The following ATF7 variants were observed in gnomAD, a reference collection of about 807,000 sequenced individuals.
ATF7 encodes the protein activating transcription factor 7, also known as cyclic AMP-dependent transcription factor ATF-7.
Under a neutral mutation model 50.4 loss-of-function variants are expected in ATF7, and 10 were observed. That is an observed-to-expected ratio of 0.20 (90% CI 0.12 to 0.34). The LOEUF (loss-of-function observed/expected upper bound fraction) is 0.34, where lower values mean the gene tolerates loss of function less well. Among genes scored for constraint, ATF7 ranks in the 10% least tolerant of loss-of-function variants. The pLI is 1.00. For synonymous variants in ATF7, 201 were observed against 226.4 expected (o/e 0.89, Z 1.01); for missense variants, 465 against 613.9 (o/e 0.76, Z 2.56).
At chr12:53,599,794 T>A (rs1029335505) in intron 2 of ATF7, among the ~76,000 whole-genome samples, 2 of 152,194 alleles carry the variant, frequency 1.3e-5, no homozygotes, top group African/African-American at 4.8e-5. Flanking sequence ...GACAGTCACA[T>A]GACATATTCC....
intron 2 of ATF7, among the ~76,000 whole-genome samples, chr12:53,599,561 C>T (rs1270441888): frequency 6.6e-6 from 1 of 151,904 alleles, no homozygotes; most frequent in Non-Finnish European, 1.5e-5. Context: ...CCTAGGATGG[C>T]AAATACTGCA....
chr12:53,590,193 A>C (rs1942882137), intron 2 of ATF7, among the ~76,000 whole-genome samples: 1 of 152,078 alleles, frequency 6.6e-6, no homozygotes, highest in South Asian at 2.1e-4. Flanking sequence ...TGATCCCCTA[A>C]CCCCAAATAA....
chr12:53,571,348 A>G (rs568233095), intron 2 of ATF7, among the ~76,000 whole-genome samples: 1 of 152,174 alleles, frequency 6.6e-6, no homozygotes, highest in East Asian at 1.9e-4. Context: ...GTAATTTGTT[A>G]TAACGCCTAC....
chr12:53,511,746 G>A (rs529686871), downstream of ATF7, among the ~76,000 whole-genome samples: 60 of 152,264 alleles, frequency 3.9e-4, no homozygotes, highest in Admixed American at 6.5e-4. Context: ...TCTCCCACCC[G>A]CCATCCACAT....
intron 1 of ATF7, among the ~76,000 whole-genome samples, chr12:53,610,501 G>T (rs1486715549): frequency 1.3e-5 from 2 of 149,984 alleles, no homozygotes; most frequent in Non-Finnish European, 3.0e-5. Context: ...GAAGGCGGAG[G>T]TTGCAGTGAG....
At chr12:53,587,820 CATATATATATAT>C (rs1242121330) in intron 2 of ATF7, among the ~76,000 whole-genome samples, 2 of 67,032 alleles carry the variant, frequency 3.0e-5, no homozygotes, top group Non-Finnish European at 6.6e-5. Flanking sequence ...TATACTTCTA[CATATATATATAT>C]ATATATATAT....
intron 2 of ATF7, among the ~76,000 whole-genome samples, chr12:53,555,212 G>C (rs1387466420): frequency 1.3e-5 from 2 of 151,820 alleles, no homozygotes; most frequent in African/African-American, 4.8e-5. Context: ...CTAGCTACTC[G>C]GGGGGCTGGG....
chr12:53,621,680 T>C (rs1468975150), intron 1 of ATF7, among the ~76,000 whole-genome samples: 1 of 150,328 alleles, frequency 6.7e-6, no homozygotes, highest in African/African-American at 2.5e-5. Context: ...TCCCAACTAC[T>C]CTGGTGGCTG....
chr12:53,604,893 C>A (rs951002380), intron 1 of ATF7, among the ~76,000 whole-genome samples: 1 of 152,136 alleles, frequency 6.6e-6, no homozygotes, highest in East Asian at 1.9e-4. Context: ...AGACAATAGG[C>A]CTTTACACAA....
intron 2 of ATF7, among the ~76,000 whole-genome samples, chr12:53,596,889 C>A (rs1592956221): frequency 6.6e-6 from 1 of 152,174 alleles, no homozygotes; most frequent in Non-Finnish European, 1.5e-5. Context: ...ATAAACATTT[C>A]AAAAACCCAT....
intron 4 of ATF7, among the ~76,000 whole-genome samples, chr12:53,540,578 T>C (rs925216362): frequency 1.3e-5 from 2 of 151,268 alleles, no homozygotes; most frequent in East Asian, 2.0e-4. Context: ...ACAAAAAAAT[T>C]AGCCAGGCGT....
intron 9 of ATF7, among the ~76,000 whole-genome samples, chr12:53,528,398 C>A (rs1022183732): frequency 6.6e-6 from 1 of 151,964 alleles, no homozygotes; most frequent in Non-Finnish European, 1.5e-5. Flanking sequence ...GAGGCCAAGG[C>A]GGGTGGATTG....
intron 1 of ATF7, among the ~76,000 whole-genome samples, chr12:53,611,491 A>G (rs1943879169): frequency 6.6e-6 from 1 of 152,190 alleles, no homozygotes; most frequent in African/African-American, 2.4e-5. Flanking sequence ...TAATCCAGTA[A>G]TAGTATATAT....
At chr12:53,591,568 G>C (rs1485221360) in intron 2 of ATF7, among the ~76,000 whole-genome samples, 1 of 152,192 alleles carries the variant, frequency 6.6e-6, no homozygotes, top group Non-Finnish European at 1.5e-5. Flanking sequence ...GCCTCTCCCT[G>C]TGGCTAAGGA....
At chr12:53,597,114 G>A (rs540319080) in intron 2 of ATF7, among the ~76,000 whole-genome samples, 5 of 152,070 alleles carry the variant, frequency 3.3e-5, no homozygotes, top group Non-Finnish European at 7.4e-5. Context: ...AGGAGAATAG[G>A]AATAACAGGG....
intron 1 of ATF7, among the ~76,000 whole-genome samples, chr12:53,610,164 A>G: frequency 6.6e-6 from 1 of 152,104 alleles, no homozygotes; most frequent in East Asian, 1.9e-4. Flanking sequence ...ACTTGCTAAC[A>G]GACTGGAAAA....
rs533120310 is a variant in ATF7, at chr12:53,517,097, G to A, written c.*40C>T. On this transcript the variant is annotated 3_prime_UTR_variant, in exon 12 of 12. Transcript: ENST00000420353. Reference sequence around the variant, plus strand: ...ATGACATCTCTCTTGGCTCTTGGGCGGGCGAGCTCTGGCTGAGGACCTCTC... The same window carrying A: ...ATGACATCTCTCTTGGCTCTTGGGCAGGCGAGCTCTGGCTGAGGACCTCTC... 48 of 1,594,626 alleles carry A rather than the reference G, an allele frequency of 3.0e-5. No homozygotes were observed. The highest frequency in any genetic ancestry group is 1.7e-4 in the Middle Eastern group (1 of 5,736).
Position 53,523,283 on chromosome 12 carries a change from G to C in ATF7, c.1227C>G (p.Gly409=). 1.2e-6 allele frequency: 2 copies of C among 1,610,662 alleles called. No homozygotes were observed. The highest frequency in any genetic ancestry group is 1.7e-6 in the Non-Finnish European group (2 of 1,177,050). The change falls in exon 11 of 12, where the codon GGC becomes GGG. Residue 409 remains glycine, a synonymous_variant. Coordinates refer to ENST00000420353, the MANE Select transcript of ATF7 (RefSeq NM_006856.3). The part of the protein sequence containing the change: ...PVTALQKKTQ[G]YLESPKESSE... Reference sequence around the variant, plus strand: ...AGGTTGTGTGCCACTCACCTAAATAGCCTTGAGTCTTTTTCTGTAGTGCAG... The same window carrying C: ...AGGTTGTGTGCCACTCACCTAAATACCCTTGAGTCTTTTTCTGTAGTGCAG...
intron 2 of ATF7, among the ~76,000 whole-genome samples, chr12:53,567,492 T>A (rs1163425988): frequency 1.3e-5 from 2 of 152,250 alleles, no homozygotes; most frequent in Admixed American, 6.5e-5. Context: ...ACCCAGTGTT[T>A]GGCTTTTTAT....
Sources: allele counts gnomAD v4.1 joint callset (sites outside exome capture counted in the v4.1 genomes callset), GRCh38; gene constraint gnomAD v4.1.1; transcripts MANE v1.5; gene names NCBI Gene and HGNC (gene_info 2026-07-23, HGNC 2026-07-21).